LAMA2: variants seen among roughly 807,000 people sequenced by gnomAD.
LAMA2 encodes the protein laminin subunit alpha-2.
A neutral mutation model predicts 364.8 loss-of-function variants in LAMA2; 269 were observed. The ratio of observed to expected loss-of-function variants is 0.74; its 90% CI spans 0.67 to 0.82. The LOEUF is 0.82. Among genes scored for constraint, LAMA2 ranks in the 40% least tolerant of loss-of-function variants. LAMA2 has a pLI of 0.00. For missense variants in LAMA2, 3,807 were observed against 3,873.2 expected, an observed-to-expected ratio of 0.98 and a Z score of 0.45; for synonymous variants, 1,379 against 1,370.6, an observed-to-expected ratio of 1.01 and a Z score of -0.14.
intron 1 of LAMA2, among the ~76,000 whole-genome samples, chr6:128,885,525 G>A (rs1776101032): frequency 6.6e-6 from 1 of 151,970 alleles, no homozygotes; most frequent in Non-Finnish European, 1.5e-5. Context: ...TTTCTTTTTA[G>A]TGTTGTTCCA....
chr6:129,186,547 A>G (rs2115028613), intron 10 of LAMA2, among the ~76,000 whole-genome samples: 1 of 151,786 alleles, frequency 6.6e-6, no homozygotes, highest in East Asian at 1.9e-4. Flanking sequence ...ACATCTGGAG[A>G]CATTCTCACA....
intron 12 of LAMA2, among the ~76,000 whole-genome samples, chr6:129,219,528 G>A (rs1371201619): frequency 8.6e-5 from 13 of 150,654 alleles, no homozygotes; most frequent in South Asian, 4.3e-4. Flanking sequence ...ACATGCACAC[G>A]TATGTTTATT....
At chr6:128,903,326 C>G (rs1777204132) in intron 1 of LAMA2, among the ~76,000 whole-genome samples, 1 of 152,096 alleles carries the variant, frequency 6.6e-6, no homozygotes, top group Non-Finnish European at 1.5e-5. Flanking sequence ...GAATCGTTGA[C>G]ATTTAGTAGA....
chr6:129,339,666 G>A (rs754867374), intron 29 of LAMA2, among the ~76,000 whole-genome samples: 1 of 152,240 alleles, frequency 6.6e-6, no homozygotes, highest in Non-Finnish European at 1.5e-5. Context: ...AGGAGAATTC[G>A]AGTAGCCGCA....
chr6:129,206,503 C>T (rs2115062681), intron 12 of LAMA2, among the ~76,000 whole-genome samples: 1 of 152,218 alleles, frequency 6.6e-6, no homozygotes, highest in South Asian at 2.1e-4. Context: ...CATTAAATGC[C>T]CCAATCCTAT....
At chr6:129,112,349 T>TATCCATTTA (rs1776207202) in intron 4 of LAMA2, among the ~76,000 whole-genome samples, 1 of 152,060 alleles carries the variant, frequency 6.6e-6, no homozygotes. Context: ...TGTTACATTG[T>TATCCATTTA]ATCCATTTAT....
chr6:129,078,849 A>C (rs1773835150), intron 3 of LAMA2, among the ~76,000 whole-genome samples: 1 of 152,104 alleles, frequency 6.6e-6, no homozygotes, highest in Non-Finnish European at 1.5e-5. Context: ...TGTCTCTATA[A>C]ATTTGATCAT....
At chr6:129,262,560 T>A (rs535074653) in intron 15 of LAMA2, among the ~76,000 whole-genome samples, 28 of 152,170 alleles carry the variant, frequency 1.8e-4, no homozygotes, top group Non-Finnish European at 4.0e-4. Flanking sequence ...TAAAATTACT[T>A]TGTAATCCAT....
At chr6:128,984,721 TA>T (rs1475093972) in intron 1 of LAMA2, among the ~76,000 whole-genome samples, 8 of 152,002 alleles carry the variant, frequency 5.3e-5, no homozygotes, top group South Asian at 4.1e-4. Flanking sequence ...CATCTGACTT[TA>T]TAGTTTAAAA....
At chr6:129,485,796 A>G (rs1032116539) in intron 55 of LAMA2, among the ~76,000 whole-genome samples, 2 of 152,216 alleles carry the variant, frequency 1.3e-5, no homozygotes, top group Non-Finnish European at 2.9e-5. Flanking sequence ...CTCATGGAGA[A>G]CTGAGCCATC....
intron 4 of LAMA2, among the ~76,000 whole-genome samples, chr6:129,106,252 C>G (rs1775816747): frequency 6.6e-6 from 1 of 151,390 alleles, no homozygotes; most frequent in Non-Finnish European, 1.5e-5. Flanking sequence ...TTTTCTTCCT[C>G]TTTTCATCAT....
At chr6:129,447,115 T>C (rs1256584031) in intron 45 of LAMA2, among the ~76,000 whole-genome samples, 1 of 152,248 alleles carries the variant, frequency 6.6e-6, no homozygotes, top group Non-Finnish European at 1.5e-5. Flanking sequence ...AAGCCTCTAC[T>C]ATGTTCAGTG....
intron 11 of LAMA2, among the ~76,000 whole-genome samples, chr6:129,191,354 AAATAT>A (rs1369964237): frequency 6.6e-6 from 1 of 152,216 alleles, no homozygotes; most frequent in African/African-American, 2.4e-5. Flanking sequence ...TCATATTATG[AAATAT>A]TATCTATACG....
intron 12 of LAMA2, among the ~76,000 whole-genome samples, chr6:129,200,504 ATG>A (rs1212755759): frequency 6.6e-6 from 1 of 151,096 alleles, no homozygotes; most frequent in Non-Finnish European, 1.5e-5. Context: ...ACACATATAT[ATG>A]TGTGTGTATA....
chr6:129,347,889 A>G (rs898300129), intron 30 of LAMA2, among the ~76,000 whole-genome samples: 2 of 152,244 alleles, frequency 1.3e-5, no homozygotes, highest in African/African-American at 4.8e-5. Flanking sequence ...CTACATTCCT[A>G]TACAGTAAAC....
intron 4 of LAMA2, among the ~76,000 whole-genome samples, chr6:129,140,022 T>C (rs1429892647): frequency 6.6e-6 from 1 of 152,164 alleles, no homozygotes; most frequent in Non-Finnish European, 1.5e-5. Flanking sequence ...CTCCCATCCA[T>C]CCATTCACTC....
chr6:129,129,159 T>G (rs1279937714), intron 4 of LAMA2, among the ~76,000 whole-genome samples: 1 of 152,210 alleles, frequency 6.6e-6, no homozygotes, highest in Non-Finnish European at 1.5e-5. Flanking sequence ...TTTTCCCCAA[T>G]AATATTTGTT....
chr6:129,256,600 A>C (rs750364720), intron 14 of LAMA2, among the ~76,000 whole-genome samples: 67 of 151,802 alleles, frequency 4.4e-4, no homozygotes, highest in Non-Finnish European at 1.3e-4. Flanking sequence ...TACTGGTAGA[A>C]CTAAGAAGGA....
chr6:128,887,494 C>A (rs1254583496), intron 1 of LAMA2, among the ~76,000 whole-genome samples: 1 of 151,888 alleles, frequency 6.6e-6, no homozygotes, highest in Non-Finnish European at 1.5e-5. Context: ...TTTCACATAT[C>A]AATGTGTACA....
Sources: gnomAD v4.1 joint callset for allele counts (sites outside exome capture counted in the v4.1 genomes callset) on GRCh38, gnomAD v4.1.1 for gene constraint, MANE v1.5 for transcripts, NCBI Gene and HGNC (gene_info 2026-07-23, HGNC 2026-07-21) for gene names.